Variants in AKAP19 observed in about 807,000 individuals in gnomAD.
AKAP19 encodes the protein A-kinase anchoring protein 19.
At chr2:190,083,246 G>C in the AKAP19 span, among the ~76,000 whole-genome samples, 5 of 152,128 alleles carry the variant, frequency 3.3e-5, no homozygotes, top group Admixed American at 3.3e-4. Context: ...AGGTGTGGTG[G>C]TGTGCACCTG....
the AKAP19 span, among the ~76,000 whole-genome samples, chr2:189,924,381 G>A: frequency 9.9e-5 from 15 of 151,940 alleles, no homozygotes; most frequent in African/African-American, 1.7e-4. Context: ...ATATTGCCCC[G>A]CGCCTAGTCC....
the AKAP19 span, among the ~76,000 whole-genome samples, chr2:190,098,100 A>T: frequency 2.6e-5 from 4 of 152,132 alleles, no homozygotes; most frequent in African/African-American, 9.6e-5. Context: ...TGAGAGTTTG[A>T]TCTCCTCCCA....
chr2:189,921,852 C>T, the AKAP19 span, among the ~76,000 whole-genome samples: 21 of 152,134 alleles, frequency 1.4e-4, no homozygotes, highest in African/African-American at 5.1e-4. Flanking sequence ...TGACATTAAA[C>T]AGATATTATG....
chr2:190,171,249 C>T, the AKAP19 span, among the ~76,000 whole-genome samples: 4 of 150,060 alleles, frequency 2.7e-5, no homozygotes, highest in Admixed American at 2.6e-4. Flanking sequence ...AAAAAACAAA[C>T]AGTGCAATTC....
chr2:189,895,042 A>T, the AKAP19 span, among the ~76,000 whole-genome samples: 3 of 152,108 alleles, frequency 2.0e-5, no homozygotes, highest in African/African-American at 7.2e-5. Flanking sequence ...AAAGAAAAAA[A>T]ACAAAAAAGT....
the AKAP19 span, among the ~76,000 whole-genome samples, chr2:189,894,511 C>T: frequency 1.3e-5 from 2 of 152,086 alleles, no homozygotes; most frequent in Non-Finnish European, 2.9e-5. Context: ...TTCAATAATG[C>T]TTGAAACTAC....
chr2:190,135,976 T>G, the AKAP19 span, among the ~76,000 whole-genome samples: 1 of 152,262 alleles, frequency 6.6e-6, no homozygotes, highest in East Asian at 1.9e-4. Context: ...TAACTAAATT[T>G]GAGACTGATT....
the AKAP19 span, among the ~76,000 whole-genome samples, chr2:190,188,199 C>T: frequency 6.6e-6 from 1 of 152,132 alleles, no homozygotes; most frequent in African/African-American, 2.4e-5. Context: ...GAAGCACTTA[C>T]ATTCTATGGG....
chr2:190,153,236 A>C, the AKAP19 span, among the ~76,000 whole-genome samples: 1 of 152,200 alleles, frequency 6.6e-6, no homozygotes, highest in African/African-American at 2.4e-5. Context: ...ATATATGAAG[A>C]CTATTAATTT....
At chr2:189,900,743 A>G in the AKAP19 span, among the ~76,000 whole-genome samples, 2 of 152,192 alleles carry the variant, frequency 1.3e-5, no homozygotes, top group East Asian at 3.8e-4. Context: ...AAAAGAATTT[A>G]CCAAGACAGT....
At chr2:190,038,135 T>A in the AKAP19 span, among the ~76,000 whole-genome samples, 1 of 152,202 alleles carries the variant, frequency 6.6e-6, no homozygotes, top group Admixed American at 6.5e-5. Flanking sequence ...CTGGGCTCCC[T>A]GTTGACTGAG....
chr2:189,930,019 CA>C, the AKAP19 span, among the ~76,000 whole-genome samples: 1 of 152,190 alleles, frequency 6.6e-6, no homozygotes, highest in East Asian at 1.9e-4. Context: ...GGAGCAATAA[CA>C]AGGTCTAAAT....
the AKAP19 span, among the ~76,000 whole-genome samples, chr2:190,085,238 TAATTAG>T: frequency 6.6e-6 from 1 of 152,224 alleles, no homozygotes; most frequent in Non-Finnish European, 1.5e-5. Context: ...CTCTGGATGG[TAATTAG>T]GTTTCCTGGT....
the AKAP19 span, among the ~76,000 whole-genome samples, chr2:190,046,106 A>G: frequency 6.6e-6 from 1 of 151,996 alleles, no homozygotes; most frequent in Non-Finnish European, 1.5e-5. Flanking sequence ...TTCATTCTCC[A>G]TGGGTCAAGT....
chr2:189,952,048 G>A, the AKAP19 span, among the ~76,000 whole-genome samples: 1 of 152,060 alleles, frequency 6.6e-6, no homozygotes, highest in East Asian at 1.9e-4. Context: ...TATATTTCCT[G>A]GTCACTGCCT....
chr2:190,166,317 C>CTTTTTTTTTTTT, the AKAP19 span, among the ~76,000 whole-genome samples: 14 of 65,300 alleles, frequency 2.1e-4, 1 homozygote, highest in African/African-American at 4.0e-4. Flanking sequence ...AAAATCCACT[C>CTTTTTTTTTTTT]TTTTTTTTTT....
At chr2:190,072,048 A>G in the AKAP19 span, among the ~76,000 whole-genome samples, 1 of 152,350 alleles carries the variant, frequency 6.6e-6, no homozygotes, top group East Asian at 1.9e-4. Context: ...GAGAAAGGGT[A>G]AGAAACAAAG....
chr2:189,976,313 G>A, the AKAP19 span, among the ~76,000 whole-genome samples: 2 of 152,222 alleles, frequency 1.3e-5, no homozygotes, highest in African/African-American at 4.8e-5. Context: ...AACAGCAAAT[G>A]TTGCTGCCTG....
the AKAP19 span, among the ~76,000 whole-genome samples, chr2:190,116,571 T>C: frequency 6.6e-6 from 1 of 152,322 alleles, no homozygotes; most frequent in East Asian, 1.9e-4. Context: ...AGTTGTAGCC[T>C]GCTAGCCCTC....
Sources: gnomAD v4.1 joint callset for allele counts (sites outside exome capture counted in the v4.1 genomes callset) on GRCh38, gnomAD v4.1.1 for gene constraint, MANE v1.5 for transcripts, NCBI Gene and HGNC (gene_info 2026-07-23, HGNC 2026-07-21) for gene names.